Variants in CADPS observed in about 807,000 individuals in gnomAD.
CADPS encodes calcium dependent secretion activator, also known as calcium-dependent secretion activator 1.
A neutral mutation model predicts 167.3 loss-of-function variants in CADPS; 57 were observed. That is an observed-to-expected ratio of 0.34 (90% CI 0.28 to 0.42). The LOEUF (loss-of-function observed/expected upper bound fraction) is 0.42, where lower values mean the gene tolerates loss of function less well. Ranked by LOEUF, CADPS falls within the 20% of genes least tolerant of loss-of-function variation. The probability of loss-of-function intolerance (pLI) is 1.00; values close to 1 mark genes in which losing one functional copy is unlikely to be tolerated. For missense variants in CADPS, 1,414 were observed against 1,738.1 expected (o/e 0.81, Z 3.32); for synonymous variants, 676 against 635.3 (o/e 1.06, Z -0.96).
At chr3:62,750,330 GAC>G (rs1354300660) in intron 3 of CADPS, among the ~76,000 whole-genome samples, 2 of 108,968 alleles carry the variant, frequency 1.8e-5, no homozygotes, top group Admixed American at 1.5e-4. Flanking sequence ...TACCCTGAGT[GAC>G]AGAGTGAGAC....
intron 6 of CADPS, among the ~76,000 whole-genome samples, chr3:62,643,351 C>A (rs1275531965): frequency 6.6e-6 from 1 of 152,210 alleles, no homozygotes; most frequent in African/African-American, 2.4e-5. Flanking sequence ...TCACTTGACC[C>A]TGGTCATGAA....
rs192518282 is a variant in CADPS at position 62,420,285 on chromosome 3, C to A, written c.3778-17100G>T. ...AGAACACTTTCCAAAGTCCTCTAGA[C>A]AGTTTTGAAACTAGATCTATTTCAA... On this transcript the variant is annotated intron_variant, in intron 28 of 29. Coordinates refer to ENST00000383710, the MANE Select transcript of CADPS (RefSeq NM_003716.4). The surrounding 1 kb of genome is among the most constrained non-coding windows in gnomAD (Gnocchi z 4.1). Among the ~76,000 whole-genome samples, 60 of 152,336 alleles carry A rather than the reference C, an allele frequency of 3.9e-4. No homozygotes were observed. The highest frequency in any genetic ancestry group is 1.3e-3 in the African/African-American group (56 of 41,582).
At chr3:62,717,822 C>A (rs1280881458) in intron 3 of CADPS, among the ~76,000 whole-genome samples, 3 of 152,144 alleles carry the variant, frequency 2.0e-5, no homozygotes, top group Non-Finnish European at 2.9e-5. Context: ...AACTCACCAT[C>A]ATTAACTACC....
intron 3 of CADPS, among the ~76,000 whole-genome samples, chr3:62,666,555 A>G (rs1225119597): frequency 6.6e-6 from 1 of 152,138 alleles, no homozygotes; most frequent in Non-Finnish European, 1.5e-5. Flanking sequence ...AAAAATGTAC[A>G]TGCGCATAAA....
chr3:62,424,561 G>A (rs2052227001), intron 28 of CADPS, among the ~76,000 whole-genome samples: 1 of 152,146 alleles, frequency 6.6e-6, no homozygotes, highest in Admixed American at 6.5e-5. Context: ...GAGTTCTAAA[G>A]TGTCTTGACC....
intron 1 of CADPS, among the ~76,000 whole-genome samples, chr3:62,821,307 T>C (rs2094904448): frequency 1.3e-5 from 2 of 149,596 alleles, no homozygotes; most frequent in Admixed American, 6.6e-5. Context: ...TTAGAGTCTC[T>C]GTGTTGGTTT....
At chr3:62,734,780 G>T in intron 3 of CADPS, among the ~76,000 whole-genome samples, 1 of 151,924 alleles carries the variant, frequency 6.6e-6, no homozygotes. Flanking sequence ...CATATCTTTT[G>T]GTGGTCAAAT....
intron 1 of CADPS, among the ~76,000 whole-genome samples, chr3:62,771,986 G>C (rs900881988): frequency 6.6e-6 from 1 of 152,176 alleles, no homozygotes; most frequent in African/African-American, 2.4e-5. Context: ...CCTTGGTCAA[G>C]TAACTGGTTT....
chr3:62,603,080 G>A (rs930688905), intron 6 of CADPS, among the ~76,000 whole-genome samples: 9 of 152,190 alleles, frequency 5.9e-5, no homozygotes, highest in African/African-American at 1.7e-4. Flanking sequence ...TCACCTGTAC[G>A]ATGCACTCCT....
At chr3:62,782,307 C>T (rs181071282) in intron 1 of CADPS, among the ~76,000 whole-genome samples, 71 of 152,286 alleles carry the variant, frequency 4.7e-4, no homozygotes, top group African/African-American at 1.4e-3. Context: ...AGCCAGCCAG[C>T]GAGCCACTCA....
rs796240751 is a variant in CADPS, at chr3:62,494,505, G to A, written c.2707-840C>T. Among the ~76,000 whole-genome samples the A allele has an allele frequency of 5.9e-5, 9 of 152,102 alleles. 1 individual carries two copies. Among genetic ancestry groups the A allele is most frequent in the African/African-American group, 1.9e-4 (8 of 41,472 alleles). ...TATTCAACTAACTTTACATCTTCAG[G>A]ATGAGTCCAAGAAAAGTTATTGGGA... On this transcript the variant is annotated intron_variant, in intron 18 of 29. Transcript: ENST00000383710.
chr3:62,800,395 G>T (rs2152801939), intron 1 of CADPS, among the ~76,000 whole-genome samples: 1 of 152,098 alleles, frequency 6.6e-6, no homozygotes, highest in Non-Finnish European at 1.5e-5. Context: ...TGATTCAGGG[G>T]TACCACTCCC....
Position 62,446,991 on chromosome 3 carries a change from A to G in CADPS, c.3637-1194T>C, listed in dbSNP as rs1170473663. 6.6e-6 allele frequency among the ~76,000 whole-genome samples: 1 copy of G among 152,198 alleles called. No individual in the cohort carries two copies. The highest frequency in any genetic ancestry group is 1.5e-5 in the Non-Finnish European group (1 of 68,032). ...AAGCTTCACCCAAATGTCTCCCAGAAAAGTACCCAGGGGAGTGATTTCCTC... is the reference window on the plus strand; with the variant it reads ...AAGCTTCACCCAAATGTCTCCCAGAGAAGTACCCAGGGGAGTGATTTCCTC... On this transcript the variant is annotated intron_variant, in intron 26 of 29. Transcript: ENST00000383710. This position sits in a 1 kb window ranked among gnomAD's most constrained non-coding sequence, Gnocchi z 4.9.
chr3:62,836,568 C>G lies in CADPS; in HGVS notation c.441+38021G>C, dbSNP rs541258474. Reference sequence around the variant, plus strand: ...TTGAAGTTAACCCGTGTGTGTGTGTCTCTACAAAAGCATAAAGGTGAGAAA... The same window carrying G: ...TTGAAGTTAACCCGTGTGTGTGTGTGTCTACAAAAGCATAAAGGTGAGAAA... On this transcript the variant is annotated intron_variant, in intron 1 of 29. Coordinates refer to ENST00000383710, the MANE Select transcript of CADPS (RefSeq NM_003716.4). Among the ~76,000 whole-genome samples, 311 of 152,212 alleles carry G rather than the reference C, an allele frequency of 2.0e-3. 2 individuals are homozygous for G. Among genetic ancestry groups the G allele is most frequent in the African/African-American group, 7.3e-3 (302 of 41,532 alleles).
intron 1 of CADPS, among the ~76,000 whole-genome samples, chr3:62,800,297 CCATCAT>C (rs201311125): frequency 0.016 from 2,428 of 151,958 alleles, 38 homozygotes; most frequent in East Asian, 0.087. Context: ...ATCATTATCA[CCATCAT>C]CATCATCATC....
intron 17 of CADPS, among the ~76,000 whole-genome samples, chr3:62,507,471 C>T (rs1037452793): frequency 2.0e-5 from 3 of 151,736 alleles, no homozygotes; most frequent in African/African-American, 7.3e-5. Flanking sequence ...GCTCATCACA[C>T]ACTCCCCTGG....
rs1315900124 is a variant in CADPS, at chr3:62,544,993, T to C, written c.1966+4910A>G. 3 of 315,744 alleles carry C rather than the reference T, an allele frequency of 9.5e-6. No homozygotes were observed. The highest frequency in any genetic ancestry group is 1.5e-5 in the Non-Finnish European group (3 of 201,666). 19.6% of individuals were successfully genotyped at this position (315,744 alleles called of 1,614,324 possible). A position where few individuals can be genotyped will look rare whatever the true frequency, so the allele number is the denominator to read the frequency against. ...TCGAGCAAAGATTGAACAAGAAAAC[T>C]TAAACAAAACAAAACAAAAAACAAA... On this transcript the variant is annotated intron_variant, in intron 11 of 29. Coordinates refer to ENST00000383710, the MANE Select transcript of CADPS (RefSeq NM_003716.4). This position sits in a 1 kb window ranked among gnomAD's most constrained non-coding sequence, Gnocchi z 4.4.
At chr3:62,618,259 A>C (rs1488992221) in intron 6 of CADPS, among the ~76,000 whole-genome samples, 1 of 152,096 alleles carries the variant, frequency 6.6e-6, no homozygotes, top group Non-Finnish European at 1.5e-5. Context: ...TGAGGGAAGG[A>C]GAGAGAGAAA....
chr3:62,601,965 G>A lies in CADPS; in HGVS notation c.1326-9217C>T, dbSNP rs1017882256. Among the ~76,000 whole-genome samples the A allele has an allele frequency of 6.6e-5, 10 of 152,026 alleles. No individual in the cohort carries two copies. The highest frequency in any genetic ancestry group is 1.9e-4 in the East Asian group (1 of 5,182). On this transcript the variant is annotated intron_variant, in intron 6 of 29. Coordinates refer to ENST00000383710, the MANE Select transcript of CADPS (RefSeq NM_003716.4). This position sits in a 1 kb window ranked among gnomAD's most constrained non-coding sequence, Gnocchi z 4.3. Reference sequence around the variant, plus strand: ...GGGGAGCATCTGCTTGATCACAGTCGCATCTCTGTTTACTATTTAAAGCCT... The same window carrying A: ...GGGGAGCATCTGCTTGATCACAGTCACATCTCTGTTTACTATTTAAAGCCT...
Sources: allele counts gnomAD v4.1 joint callset (sites outside exome capture counted in the v4.1 genomes callset), GRCh38; gene constraint gnomAD v4.1.1; non-coding constraint Gnocchi (gnomAD v3.1); transcripts MANE v1.5; gene names NCBI Gene and HGNC (gene_info 2026-07-23, HGNC 2026-07-21).